Variants in MINAR2 observed in about 807,000 individuals in gnomAD.
MINAR2 encodes membrane integral NOTCH2 associated receptor 2, also known as major intrinsically disordered NOTCH2-binding receptor 1-like.
A neutral mutation model predicts 16.1 loss-of-function variants in MINAR2; 21 were observed. That is an observed-to-expected ratio of 1.31 (90% CI 0.93 to 1.88). The LOEUF is 1.88. Ranked by LOEUF, MINAR2 falls within the 40% of genes most tolerant of loss-of-function variation. The pLI is 0.00. For synonymous variants in MINAR2, 86 were observed against 83.0 expected (o/e 1.04, Z -0.20); for missense variants, 259 against 229.8 (o/e 1.13, Z -0.82).
intron 1 of MINAR2, among the ~76,000 whole-genome samples, chr5:129,757,065 AATAT>A (rs58719695): frequency 6.9e-6 from 1 of 145,530 alleles, no homozygotes; most frequent in Non-Finnish European, 1.5e-5. Flanking sequence ...TGTATCACCT[AATAT>A]ATATATATAT....
In MINAR2 at chr5:129,765,354, A is replaced by G. The variant is rs1214111783; in HGVS notation, c.*291A>G. ...AGTCACTATATGCAACCCACATTAA[A>G]TATCTTTATAGGGAGCAAACAGTAT... is the stretch of plus-strand genomic sequence containing the variant. On this transcript the variant is annotated 3_prime_UTR_variant, in exon 3 of 3. Transcript: ENST00000564719. 3.7e-6 allele frequency: 1 copy of G among 266,938 alleles called. No individual in the cohort carries two copies. The highest frequency in any genetic ancestry group is 2.2e-5 in the African/African-American group (1 of 45,754). The allele number at this position is 266,938 out of a possible 1,614,324, so 16.5% of individuals were successfully genotyped here.
In MINAR2 at chr5:129,765,456, A is replaced by G. The variant is rs2149547550; in HGVS notation, c.*393A>G. ...TTAAAAATACTGTTAACTCTTTACCACCTCATCCTCCTGTGATCACCAGAA... is the reference window on the plus strand; with the variant it reads ...TTAAAAATACTGTTAACTCTTTACCGCCTCATCCTCCTGTGATCACCAGAA... On this transcript the variant is annotated 3_prime_UTR_variant, in exon 3 of 3. Transcript: ENST00000564719. 1 of 156,074 alleles carries G rather than the reference A, an allele frequency of 6.4e-6. No individual in the cohort carries two copies. Among genetic ancestry groups the G allele is most frequent in the South Asian group, 2.1e-4 (1 of 4,852 alleles). The allele number at this position is 156,074 out of a possible 1,614,324, so 9.7% of individuals were successfully genotyped here.
intron 2 of MINAR2, among the ~76,000 whole-genome samples, chr5:129,764,500 A>C (rs1185536400): frequency 6.6e-6 from 1 of 152,226 alleles, no homozygotes; most frequent in African/African-American, 2.4e-5. Context: ...ATTTCAACTT[A>C]CTATGCTGAA....
At chr5:129,762,600 C>T (rs1758151422) in intron 2 of MINAR2, 1 of 327,706 alleles carries the variant, frequency 3.1e-6, no homozygotes, top group South Asian at 3.5e-5. Context: ...TTGCCAGCAG[C>T]AGCACAATCA....
chr5:129,758,630 C>T (rs1758085860), intron 1 of MINAR2, among the ~76,000 whole-genome samples: 1 of 151,576 alleles, frequency 6.6e-6, no homozygotes. Context: ...ATTTATAGAT[C>T]TTTCTTATTT....
At position 129,766,634 on chromosome 5, in the gene MINAR2, T is replaced by TAAAAAAAAAAAAAAAAAAAAA. The variant is rs35872824; in HGVS notation, c.*1573_*1593dup. ...CCTGGGTGACAGAGTGAGACTTCCA[T>TAAAAAAAAAAAAAAAAAAAAA]AAAAAAAAAAAAAAAAAAAAAACAA... On this transcript the variant is annotated 3_prime_UTR_variant, in exon 3 of 3. Coordinates refer to ENST00000564719, the MANE Select transcript of MINAR2 (RefSeq NM_001257308.2). The TAAAAAAAAAAAAAAAAAAAAA allele has an allele frequency of 2.3e-3, 238 of 103,444 alleles. No homozygotes were observed. Among genetic ancestry groups the TAAAAAAAAAAAAAAAAAAAAA allele is most frequent in the East Asian group, 2.8e-3 (9 of 3,232 alleles). The allele number at this position is 103,444 out of a possible 1,614,324, so 6.4% of individuals were successfully genotyped here. A position where few individuals can be genotyped will look rare whatever the true frequency, so the allele number is the denominator to read the frequency against.
chr5:129,760,744 C>G (rs536003754), intron 2 of MINAR2, 139 bp downstream of exon 2: 2 of 662,652 alleles, frequency 3.0e-6, no homozygotes, highest in East Asian at 5.5e-5. Context: ...TGGCTCCTGG[C>G]TTTTCTTTCT....
intron 2 of MINAR2, among the ~76,000 whole-genome samples, chr5:129,763,535 A>G (rs1758166997): frequency 6.6e-6 from 1 of 152,224 alleles, no homozygotes; most frequent in Admixed American, 6.5e-5. Context: ...AATAGTCTCT[A>G]TTAATGAAGC....
In MINAR2 at chr5:129,760,529, GA is replaced by G. The variant is rs1206379729; in HGVS notation, c.323del (p.Lys108ArgfsTer23). On this transcript the variant is annotated frameshift_variant, in exon 2 of 3. Transcript: ENST00000564719. LOFTEE classifies it high-confidence loss of function. ...DLSLEEAMEE[R>X]KKNPSWTIEE... ...AGTTTGGAGGAAGCTATGGAAGAAA[GA>G]AAAAAGAACCCCTCATGGACCATTG... The G allele has an allele frequency of 2.1e-5, 33 of 1,535,464 alleles. No homozygotes were observed. Among genetic ancestry groups the G allele is most frequent in the Non-Finnish European group, 2.8e-5 (32 of 1,146,542 alleles).
In MINAR2 at chr5:129,766,242, C is replaced by CT. The variant is rs1325623031; in HGVS notation, c.*1182dup. The CT allele has an allele frequency of 2.0e-5, 3 of 152,210 alleles. No homozygotes were observed. The highest frequency in any genetic ancestry group is 2.9e-5 in the Non-Finnish European group (2 of 68,040). The allele number at this position is 152,210 out of a possible 1,614,324, so 9.4% of individuals were successfully genotyped here. On this transcript the variant is annotated 3_prime_UTR_variant, in exon 3 of 3. Transcript: ENST00000564719. Reference sequence around the variant, plus strand: ...TCTTATGCAAGAAACAAAAGAGGGACTTTCTCTTCTTCTCATGAGCCTAAA... The same window carrying CT: ...TCTTATGCAAGAAACAAAAGAGGGACTTTTCTCTTCTTCTCATGAGCCTAAA...
intron 2 of MINAR2, among the ~76,000 whole-genome samples, chr5:129,763,029 T>A (rs1197794769): frequency 6.6e-6 from 1 of 152,174 alleles, no homozygotes; most frequent in Non-Finnish European, 1.5e-5. Context: ...CTTAGGAAAC[T>A]GAATATTATT....
chr5:129,758,021 ACT>A (rs1257200817), intron 1 of MINAR2, among the ~76,000 whole-genome samples: 1 of 151,880 alleles, frequency 6.6e-6, no homozygotes, highest in African/African-American at 2.4e-5. Flanking sequence ...CTTCTATCTC[ACT>A]CTCTTTATTG....
At chr5:129,764,281 A>G (rs1402833236) in intron 2 of MINAR2, among the ~76,000 whole-genome samples, 2 of 152,112 alleles carry the variant, frequency 1.3e-5, no homozygotes, top group African/African-American at 2.4e-5. Flanking sequence ...GAGGTCAAAC[A>G]AAGTTTCTGC....
intron 1 of MINAR2, among the ~76,000 whole-genome samples, chr5:129,757,145 G>A (rs1048726772): frequency 6.6e-6 from 1 of 151,438 alleles, no homozygotes; most frequent in Non-Finnish European, 1.5e-5. Context: ...GTCCTGAGAT[G>A]TGTGTAGTGT....
chr5:129,761,919 G>A (rs1758140805), intron 2 of MINAR2, among the ~76,000 whole-genome samples: 1 of 152,004 alleles, frequency 6.6e-6, no homozygotes, highest in Admixed American at 6.6e-5. Flanking sequence ...AATAGTAACA[G>A]AAAGTGCCAT....
In MINAR2 at chr5:129,760,540, C is replaced by A. The variant is rs993396446; in HGVS notation, c.328C>A (p.Pro110Thr). Residue 110 changes from proline (P) to threonine (T), a missense_variant, in exon 2 of 3, where the codon CCC becomes ACC. Physicochemically the swap from Pro to Thr is conservative, Grantham distance 38. Coordinates refer to ENST00000564719, the MANE Select transcript of MINAR2 (RefSeq NM_001257308.2). ...AGCTATGGAAGAAAGAAAAAAGAAC[C>A]CCTCATGGACCATTGAGGAATATGA... The part of the protein sequence containing the change: ...EEAMEERKKN[P>T]SWTIEEYDKH... 3 of 1,535,490 alleles carry A rather than the reference C, an allele frequency of 2.0e-6. No individual in the cohort carries two copies. The highest frequency in any genetic ancestry group is 1.4e-5 in the African/African-American group (1 of 72,980).
intron 1 of MINAR2, among the ~76,000 whole-genome samples, chr5:129,750,902 C>T (rs1393012918): frequency 6.6e-6 from 1 of 152,132 alleles, no homozygotes. Flanking sequence ...CACATGAAAT[C>T]TACACAAACT....
intron 1 of MINAR2, among the ~76,000 whole-genome samples, chr5:129,753,173 C>T (rs1758007284): frequency 6.6e-6 from 1 of 151,984 alleles, no homozygotes; most frequent in South Asian, 2.1e-4. Flanking sequence ...TTCAATCTTC[C>T]ATTTATTGTT....
intron 1 of MINAR2, among the ~76,000 whole-genome samples, chr5:129,756,866 C>A (rs749222188): frequency 1.3e-4 from 19 of 146,128 alleles, no homozygotes; most frequent in Non-Finnish European, 2.2e-4. Flanking sequence ...AAGGATCTTG[C>A]CAGGAATTTT....
Sources: gnomAD v4.1 joint callset for allele counts (sites outside exome capture counted in the v4.1 genomes callset) on GRCh38, gnomAD v4.1.1 for gene constraint, MANE v1.5 for transcripts, NCBI Gene and HGNC (gene_info 2026-07-23, HGNC 2026-07-21) for gene names.